GPR89B: variants seen among roughly 807,000 people sequenced by gnomAD.
GPR89B encodes the protein golgi pH regulator B.
In GPR89B, 25 loss-of-function variants were observed where a neutral mutation model predicts 52.4. The observed-to-expected ratio is 0.48, with a 90% confidence interval of 0.35 to 0.67. The LOEUF (loss-of-function observed/expected upper bound fraction) is 0.67. GPR89B is among the 30% of genes least tolerant of loss of function. The pLI, the probability that GPR89B is intolerant of heterozygous loss-of-function variation, is 0.01. For synonymous variants in GPR89B, 52 were observed against 151.2 expected (o/e 0.34, Z 4.81); for missense variants, 146 against 450.2 (o/e 0.32, Z 6.11).
chr1:148,023,385 T>G, the GPR89B span, among the ~76,000 whole-genome samples: 1 of 146,830 alleles, frequency 6.8e-6, no homozygotes, highest in East Asian at 1.9e-4. Flanking sequence ...CTATTGTGAA[T>G]AGCCTGGTGT....
At chr1:147,965,579 T>A (rs1656967825) in intron 7 of GPR89B, among the ~76,000 whole-genome samples, 1 of 152,116 alleles carries the variant, frequency 6.6e-6, no homozygotes, top group African/African-American at 2.4e-5. Context: ...TGCCAGCAGC[T>A]ACCACTGTAC....
At chr1:147,950,167 A>C (rs1475139324) in intron 5 of GPR89B, among the ~76,000 whole-genome samples, 33 of 143,644 alleles carry the variant, frequency 2.3e-4, no homozygotes, top group Non-Finnish European at 1.2e-4. Context: ...GGGGCTCCTC[A>C]CTTCTCATAT....
intron 7 of GPR89B, among the ~76,000 whole-genome samples, chr1:147,961,418 A>C: frequency 6.6e-6 from 1 of 152,260 alleles, no homozygotes; most frequent in Non-Finnish European, 1.5e-5. Context: ...AAATCTTGAA[A>C]GCAACAAGGG....
At position 147,951,715 on chromosome 1, in the gene GPR89B, G is replaced by A. The variant is rs1286566326; in HGVS notation, c.416-1630G>A. Among the ~76,000 whole-genome samples, 26 of 151,992 alleles carry A rather than the reference G, an allele frequency of 1.7e-4. 1 individual carries two copies. The highest frequency in any genetic ancestry group is 2.6e-4 in the Non-Finnish European group (18 of 68,000). ...TCTAGTTCCAAGATGGTGGCGTAGG[G>A]GCAAGCTGGCTTTGCTTACCCCCCT... On this transcript the variant is annotated intron_variant, in intron 5 of 13. Coordinates refer to ENST00000314163, the MANE Select transcript of GPR89B (RefSeq NM_016334.5).
At chr1:147,960,467 A>G (rs1656451515) in intron 7 of GPR89B, among the ~76,000 whole-genome samples, 1 of 152,156 alleles carries the variant, frequency 6.6e-6, no homozygotes, top group East Asian at 1.9e-4. Context: ...ACAACAAAAT[A>G]GAAATCCAAA....
At chr1:147,937,656 A>G (rs1241388834) in intron 2 of GPR89B, among the ~76,000 whole-genome samples, 3 of 152,188 alleles carry the variant, frequency 2.0e-5, no homozygotes, top group Non-Finnish European at 2.9e-5. Flanking sequence ...GCTTTCTGCA[A>G]GAAGAAGAAT....
downstream of GPR89B, among the ~76,000 whole-genome samples, chr1:147,996,259 T>C (rs1659315836): frequency 6.6e-6 from 1 of 150,650 alleles, no homozygotes; most frequent in African/African-American, 2.4e-5. Context: ...CCAATCAGGG[T>C]TGATAGTGAC....
chr1:147,998,999 T>C, the GPR89B span, among the ~76,000 whole-genome samples: 1 of 151,792 alleles, frequency 6.6e-6, no homozygotes, highest in Non-Finnish European at 1.5e-5. Flanking sequence ...ATCTCAAAGA[T>C]CTACCCTCCA....
At chr1:147,979,949 G>A (rs1204396992) in intron 10 of GPR89B, among the ~76,000 whole-genome samples, 1 of 151,558 alleles carries the variant, frequency 6.6e-6, no homozygotes, top group African/African-American at 2.4e-5. Flanking sequence ...TTAACTGAGT[G>A]TGGTGGCATG....
the GPR89B span, among the ~76,000 whole-genome samples, chr1:148,008,558 G>C: frequency 1.3e-5 from 2 of 152,116 alleles, no homozygotes. Context: ...GCCCCAGAAA[G>C]AACATAGGCA....
chr1:148,013,682 G>C, the GPR89B span, among the ~76,000 whole-genome samples: 1 of 151,990 alleles, frequency 6.6e-6, no homozygotes, highest in Admixed American at 6.5e-5. Context: ...TGGGCCCTGA[G>C]CCAGCCCCCT....
chr1:148,012,685 C>G, the GPR89B span, among the ~76,000 whole-genome samples: 1 of 151,890 alleles, frequency 6.6e-6, no homozygotes, highest in Non-Finnish European at 1.5e-5. Flanking sequence ...AGAATAATAT[C>G]TCCGTTTCAG....
the GPR89B span, among the ~76,000 whole-genome samples, chr1:148,017,500 C>T: frequency 2.7e-5 from 4 of 149,600 alleles, no homozygotes; most frequent in Admixed American, 1.3e-4. Context: ...TTTGGGAGGC[C>T]GAGGTGGGTG....
chr1:147,933,005 A>T (rs1653777649), intron 1 of GPR89B, among the ~76,000 whole-genome samples: 2 of 152,168 alleles, frequency 1.3e-5, no homozygotes, highest in Non-Finnish European at 2.9e-5. Context: ...CTGAGTTTTT[A>T]ATTATTTTTA....
chr1:148,019,075 C>G, the GPR89B span, among the ~76,000 whole-genome samples: 1 of 151,666 alleles, frequency 6.6e-6, no homozygotes, highest in Admixed American at 6.6e-5. Context: ...CTCCCAGGTT[C>G]AAGGGATTCT....
the GPR89B span, among the ~76,000 whole-genome samples, chr1:148,021,067 T>G: frequency 4.0e-5 from 6 of 151,760 alleles, no homozygotes; most frequent in African/African-American, 1.2e-4. Flanking sequence ...CGTTTCTACG[T>G]ATTTGGCCCT....
chr1:148,012,497 C>A, the GPR89B span, among the ~76,000 whole-genome samples: 17,251 of 125,038 alleles, frequency 0.14, 545 homozygotes, highest in Middle Eastern at 0.21. Context: ...CCTCCCCGCC[C>A]CACTCCCCCA....
the GPR89B span, chr1:148,009,527 A>C: frequency 1.3e-6 from 2 of 1,576,446 alleles, no homozygotes; most frequent in African/African-American, 1.3e-5. Flanking sequence ...CTGCTTTCTC[A>C]TAGGAATCCC....
chr1:148,025,490 T>A, the GPR89B span, among the ~76,000 whole-genome samples: 1 of 111,546 alleles, frequency 9.0e-6, no homozygotes, highest in Admixed American at 1.4e-4. Context: ...GCCACTGCAC[T>A]CCAGCCTGGG....
Sources: allele counts gnomAD v4.1 joint callset (sites outside exome capture counted in the v4.1 genomes callset), GRCh38; gene constraint gnomAD v4.1.1; transcripts MANE v1.5; gene names NCBI Gene and HGNC (gene_info 2026-07-23, HGNC 2026-07-21).